GALNT13: variants seen among roughly 807,000 people sequenced by gnomAD.
The protein encoded by GALNT13 is polypeptide N-acetylgalactosaminyltransferase 13.
In GALNT13, 28 loss-of-function variants were observed where a neutral mutation model predicts 64.2. The observed-to-expected ratio is 0.44, with a 90% CI of 0.32 to 0.60. The LOEUF is 0.60. Among genes scored for constraint, GALNT13 ranks in the 20% least tolerant of loss-of-function variants. The probability of loss-of-function intolerance (pLI) is 0.05; values close to 1 mark genes in which losing one functional copy is unlikely to be tolerated. For missense variants in GALNT13, 577 were observed against 669.8 expected (o/e 0.86, Z 1.53); for synonymous variants, 214 against 224.6 (o/e 0.95, Z 0.42).
At chr2:153,285,200 G>C in the GALNT13 span, among the ~76,000 whole-genome samples, 1 of 152,022 alleles carries the variant, frequency 6.6e-6, no homozygotes, top group Non-Finnish European at 1.5e-5. Context: ...GATCTCATGA[G>C]ACTCACTCAT....
At chr2:153,176,941 A>G in the GALNT13 span, among the ~76,000 whole-genome samples, 4 of 152,152 alleles carry the variant, frequency 2.6e-5, no homozygotes, top group African/African-American at 7.2e-5. Flanking sequence ...TTAGGCATGA[A>G]GGTAAAAGAA....
chr2:154,303,701 T>C (rs1693575882), intron 9 of GALNT13, among the ~76,000 whole-genome samples: 1 of 151,922 alleles, frequency 6.6e-6, no homozygotes, highest in Non-Finnish European at 1.5e-5. Flanking sequence ...CAATACGGCA[T>C]GATAGGAACT....
intron 9 of GALNT13, among the ~76,000 whole-genome samples, chr2:154,353,469 A>G (rs1245574573): frequency 6.6e-6 from 1 of 152,168 alleles, no homozygotes; most frequent in African/African-American, 2.4e-5. Flanking sequence ...AAGATCCCTA[A>G]TACAATACAA....
At chr2:154,435,427 T>G (rs997956769) in intron 11 of GALNT13, among the ~76,000 whole-genome samples, 1 of 152,146 alleles carries the variant, frequency 6.6e-6, no homozygotes, top group Non-Finnish European at 1.5e-5. Context: ...TGAGAGTGTC[T>G]GTGGAGTAGT....
At chr2:153,449,283 G>A in the GALNT13 span, among the ~76,000 whole-genome samples, 1 of 152,148 alleles carries the variant, frequency 6.6e-6, no homozygotes, top group Non-Finnish European at 1.5e-5. Flanking sequence ...ACCAGAAGGT[G>A]GGGGTCAACA....
intron 3 of GALNT13, among the ~76,000 whole-genome samples, chr2:154,001,414 T>C (rs1248650937): frequency 6.6e-6 from 1 of 151,926 alleles, no homozygotes; most frequent in African/African-American, 2.4e-5. Context: ...GATTCTGTAT[T>C]ATTTTTAATG....
chr2:154,151,576 T>A (rs1247740278), intron 4 of GALNT13, among the ~76,000 whole-genome samples: 2 of 152,214 alleles, frequency 1.3e-5, no homozygotes, highest in Non-Finnish European at 2.9e-5. Flanking sequence ...AGTCTCTTCG[T>A]AAGTCACTCA....
the GALNT13 span, among the ~76,000 whole-genome samples, chr2:153,639,871 T>C: frequency 4.6e-3 from 703 of 152,290 alleles, 3 homozygotes; most frequent in Admixed American, 7.0e-3. Context: ...GAAAAGTTTA[T>C]GTAGAAGGCA....
chr2:153,444,916 A>C, the GALNT13 span, among the ~76,000 whole-genome samples: 1 of 152,220 alleles, frequency 6.6e-6, no homozygotes, highest in African/African-American at 2.4e-5. Context: ...AATTTATAAT[A>C]CTTGAATAAA....
At chr2:153,740,127 T>A in the GALNT13 span, among the ~76,000 whole-genome samples, 2 of 152,048 alleles carry the variant, frequency 1.3e-5, no homozygotes, top group African/African-American at 4.8e-5. Context: ...TCAAGCTTTC[T>A]GAATCTTTAA....
the GALNT13 span, among the ~76,000 whole-genome samples, chr2:153,145,538 A>T: frequency 6.6e-6 from 1 of 151,902 alleles, no homozygotes; most frequent in Non-Finnish European, 1.5e-5. Context: ...ATACTTCTTA[A>T]TTGGATCATT....
At chr2:154,211,347 C>T (rs1015021063) in intron 4 of GALNT13, among the ~76,000 whole-genome samples, 4 of 151,776 alleles carry the variant, frequency 2.6e-5, no homozygotes, top group Non-Finnish European at 4.4e-5. Flanking sequence ...GTACAGTAGG[C>T]CTGGCGCAGT....
chr2:154,046,964 A>G lies in GALNT13; in HGVS notation c.143-93373A>G, dbSNP rs1699324306. Reference sequence around the variant, plus strand: ...GTTTTTTTTTTTATGTCTGTCATAGAAAACGTAATATACAGTACTTTCTGG... The same window carrying G: ...GTTTTTTTTTTTATGTCTGTCATAGGAAACGTAATATACAGTACTTTCTGG... On this transcript the variant is annotated intron_variant, in intron 3 of 12. Coordinates refer to ENST00000392825, the MANE Select transcript of GALNT13 (RefSeq NM_052917.4). Among the ~76,000 whole-genome samples the G allele has an allele frequency of 5.9e-5, 9 of 152,148 alleles. No individual in the cohort carries two copies. The South Asian group carries it at 1.7e-3, about 28-fold the overall frequency.
At chr2:153,543,978 TC>T in the GALNT13 span, among the ~76,000 whole-genome samples, 523 of 152,272 alleles carry the variant, frequency 3.4e-3, 4 homozygotes, top group African/African-American at 0.012. Context: ...GCAGCAGTGC[TC>T]CTACCATCCC....
At chr2:154,123,474 A>G (rs951233375) in intron 3 of GALNT13, among the ~76,000 whole-genome samples, 17 of 152,070 alleles carry the variant, frequency 1.1e-4, no homozygotes, top group African/African-American at 3.4e-4. Flanking sequence ...TATAAAATCA[A>G]TAGAAAATTA....
At chr2:153,839,595 TATTA>T in the GALNT13 span, among the ~76,000 whole-genome samples, 1 of 151,722 alleles carries the variant, frequency 6.6e-6, no homozygotes, top group Admixed American at 6.6e-5. Flanking sequence ...AAGAAAAAAG[TATTA>T]ATTATGAATT....
At chr2:153,806,524 A>G in the GALNT13 span, among the ~76,000 whole-genome samples, 1 of 152,060 alleles carries the variant, frequency 6.6e-6, no homozygotes, top group Non-Finnish European at 1.5e-5. Context: ...TGAATTAATC[A>G]ATTTAAGCAT....
At chr2:153,886,361 A>C (rs1308416112) in intron 1 of GALNT13, among the ~76,000 whole-genome samples, 110 of 128,828 alleles carry the variant, frequency 8.5e-4, no homozygotes, top group Middle Eastern at 3.7e-3. Flanking sequence ...ATCCCTCCCC[A>C]CTCCCCCCAC....
chr2:153,564,204 T>A, the GALNT13 span, among the ~76,000 whole-genome samples: 1,760 of 121,346 alleles, frequency 0.015, 32 homozygotes, highest in Middle Eastern at 0.052. Context: ...ATATATATAT[T>A]TTTTTTACTA....
Sources: allele counts gnomAD v4.1 joint callset (sites outside exome capture counted in the v4.1 genomes callset), GRCh38; gene constraint gnomAD v4.1.1; transcripts MANE v1.5; gene names NCBI Gene and HGNC (gene_info 2026-07-23, HGNC 2026-07-21).